The following HNRNPC variants were observed in gnomAD, a reference collection of about 807,000 sequenced individuals.
HNRNPC encodes the protein heterogeneous nuclear ribonucleoprotein C.
HNRNPC carries 3 observed loss-of-function variants against 33.2 expected under a neutral mutation model. The observed-to-expected ratio is 0.09, with a 90% CI of 0.04 to 0.23. HNRNPC has a LOEUF of 0.23. HNRNPC is among the 10% of genes least tolerant of loss of function. The pLI is 1.00. For missense variants in HNRNPC, 143 were observed against 366.7 expected (o/e 0.39, Z 4.98); for synonymous variants, 121 against 126.7 (o/e 0.96, Z 0.30).
intron 2 of HNRNPC, among the ~76,000 whole-genome samples, chr14:21,240,309 T>C (rs976645279): frequency 2.6e-5 from 4 of 152,210 alleles, no homozygotes; most frequent in Non-Finnish European, 4.4e-5. Flanking sequence ...TATTTCCAAC[T>C]GTTCATTGTA....
At chr14:21,212,343 G>C (rs1891706260) in intron 6 of HNRNPC, among the ~76,000 whole-genome samples, 1 of 151,954 alleles carries the variant, frequency 6.6e-6, no homozygotes, top group Non-Finnish European at 1.5e-5. Context: ...CCAGTTACAG[G>C]AGGAGTTCAA....
Position 21,211,568 on chromosome 14 carries a change from T to C in HNRNPC, c.638-2A>G. 1 of 1,605,272 alleles carries C rather than the reference T, an allele frequency of 6.2e-7. No individual in the cohort carries two copies. Among genetic ancestry groups the C allele is most frequent in the Non-Finnish European group, 8.5e-7 (1 of 1,175,268 alleles). ...CTGACTTATCATTCTTCATCTCTAC[T>C]GCGGATGAGAAGGACAAGTCTGTCT... On this transcript the variant is annotated splice_acceptor_variant, in intron 7 of 8. Transcript: ENST00000553300. LOFTEE classifies it high-confidence loss of function.
intron 2 of HNRNPC, among the ~76,000 whole-genome samples, chr14:21,235,435 ACTC>A (rs1662218852): frequency 6.6e-6 from 1 of 152,078 alleles, no homozygotes. Flanking sequence ...TATATACATG[ACTC>A]CTATCATTCT....
intron 5 of HNRNPC, 112 bp from the exon 6 acceptor site, chr14:21,213,229 A>G: frequency 9.0e-7 from 1 of 1,112,284 alleles, no homozygotes; most frequent in Non-Finnish European, 1.2e-6. Flanking sequence ...GTTTCCTTTT[A>G]TTAAATTTCA....
intron 2 of HNRNPC, among the ~76,000 whole-genome samples, chr14:21,242,904 T>C (rs1262859748): frequency 1.3e-5 from 2 of 152,142 alleles, no homozygotes; most frequent in African/African-American, 4.8e-5. Context: ...CTAGGGGCCT[T>C]TTTCTAGATT....
intron 8 of HNRNPC, 33 bp downstream of exon 8, chr14:21,211,373 C>T (rs1594187004): frequency 6.8e-7 from 1 of 1,467,946 alleles, no homozygotes; most frequent in Non-Finnish European, 9.2e-7. Context: ...CCCCCCTCCA[C>T]CACCTTTTTC....
At chr14:21,260,023 C>T (rs2139012743) in intron 2 of HNRNPC, among the ~76,000 whole-genome samples, 2 of 149,680 alleles carry the variant, frequency 1.3e-5, no homozygotes, top group South Asian at 2.1e-4. Context: ...AACGGTGAAA[C>T]CCCGTCTCTA....
chr14:21,246,415 A>G (rs1895984979), intron 2 of HNRNPC, among the ~76,000 whole-genome samples: 1 of 151,830 alleles, frequency 6.6e-6, no homozygotes, highest in African/African-American at 2.4e-5. Context: ...AAAACAAAAA[A>G]ATTAGCCGGG....
intron 6 of HNRNPC, 101 bp from the exon 7 acceptor site, chr14:21,212,024 C>G: frequency 2.2e-6 from 2 of 891,426 alleles, no homozygotes; most frequent in East Asian, 4.9e-5. Flanking sequence ...ACAGGAGATA[C>G]CCAGGGAGAA....
intron 5 of HNRNPC, among the ~76,000 whole-genome samples, chr14:21,227,081 T>C (rs1893552102): frequency 6.6e-6 from 1 of 152,056 alleles, no homozygotes; most frequent in Non-Finnish European, 1.5e-5. Context: ...TCTTAGAAGA[T>C]ATTAATACCA....
At chr14:21,235,000 G>A (rs533115544) in intron 2 of HNRNPC, among the ~76,000 whole-genome samples, 9 of 151,950 alleles carry the variant, frequency 5.9e-5, no homozygotes, top group South Asian at 2.1e-4. Context: ...AGTGGAACAC[G>A]GCATGAATCA....
chr14:21,217,633 CCTATA>C (rs1354985480), intron 5 of HNRNPC, among the ~76,000 whole-genome samples: 1 of 152,074 alleles, frequency 6.6e-6, no homozygotes, highest in Admixed American at 6.5e-5. Context: ...AGCAATAGCT[CCTATA>C]CTGAGCCAAT....
At chr14:21,254,182 A>G (rs931409636) in intron 2 of HNRNPC, among the ~76,000 whole-genome samples, 22 of 152,256 alleles carry the variant, frequency 1.4e-4, no homozygotes, top group African/African-American at 5.1e-4. Flanking sequence ...GCACAACTGT[A>G]GTTTTGACTG....
rs964342436 is a variant in HNRNPC, at chr14:21,242,433, T to C, written c.-36-8204A>G. On this transcript the variant is annotated intron_variant, in intron 2 of 8. Coordinates refer to ENST00000553300, the MANE Select transcript of HNRNPC (RefSeq NM_004500.4). ...CAAGACGCGGAGGTTGCAGTGAGCCTAGATCGTGCCACTGCACTCCTGTCT... is the reference window on the plus strand; with the variant it reads ...CAAGACGCGGAGGTTGCAGTGAGCCCAGATCGTGCCACTGCACTCCTGTCT... 3.3e-5 allele frequency among the ~76,000 whole-genome samples: 5 copies of C among 152,304 alleles called. No homozygotes were observed. The East Asian group carries it at 9.7e-4, about 29-fold the overall frequency.
At chr14:21,251,635 C>A (rs1379725691) in intron 2 of HNRNPC, among the ~76,000 whole-genome samples, 2 of 151,456 alleles carry the variant, frequency 1.3e-5, no homozygotes, top group Non-Finnish European at 2.9e-5. Context: ...TGAGCCAAGA[C>A]TGCGCCGCTG....
chr14:21,265,373 TTAAAAATAAA>T (rs1878805842), intron 1 of HNRNPC: 1 of 151,892 alleles, frequency 6.6e-6, no homozygotes, highest in African/African-American at 2.4e-5. Flanking sequence ...AGACATAAGC[TTAAAAATAAA>T]GAAAAATGTG....
At chr14:21,211,973 G>A in intron 6 of HNRNPC, 50 bp from the exon 7 acceptor site, 1 of 1,426,852 alleles carries the variant, frequency 7.0e-7, no homozygotes. Flanking sequence ...CCGAAGATAT[G>A]AGTTAGCAAA....
At chr14:21,257,268 T>C (rs1307319501) in intron 2 of HNRNPC, among the ~76,000 whole-genome samples, 1 of 151,972 alleles carries the variant, frequency 6.6e-6, no homozygotes, top group South Asian at 2.1e-4. Flanking sequence ...CTGAATGAAA[T>C]TGGACCCAGA....
chr14:21,229,624 T>C (rs1893883277), intron 5 of HNRNPC, among the ~76,000 whole-genome samples: 1 of 152,202 alleles, frequency 6.6e-6, no homozygotes, highest in African/African-American at 2.4e-5. Context: ...TTATGGTATT[T>C]AACGGCTGAC....
Sources: allele counts gnomAD v4.1 joint callset (sites outside exome capture counted in the v4.1 genomes callset), GRCh38; gene constraint gnomAD v4.1.1; transcripts MANE v1.5; gene names NCBI Gene and HGNC (gene_info 2026-07-23, HGNC 2026-07-21).